Variants in METTL6 observed in about 807,000 individuals in gnomAD.
METTL6 encodes tRNA N(3)-cytidine methyltransferase METTL6.
In METTL6, 22 loss-of-function variants were observed where a neutral mutation model predicts 26.4. The observed-to-expected ratio is 0.83, with a 90% confidence interval of 0.59 to 1.19. The LOEUF (loss-of-function observed/expected upper bound fraction) is 1.19. Among genes scored for constraint, METTL6 ranks in the 50% most tolerant of loss-of-function variants. METTL6 has a pLI of 0.00. For missense variants in METTL6, 304 were observed against 324.8 expected, an observed-to-expected ratio of 0.94 and a Z score of 0.49; for synonymous variants, 109 against 116.2, an observed-to-expected ratio of 0.94 and a Z score of 0.40.
At chr3:15,424,198 A>G (rs928161896) in intron 3 of METTL6, among the ~76,000 whole-genome samples, 2 of 152,174 alleles carry the variant, frequency 1.3e-5, no homozygotes, top group African/African-American at 4.8e-5. Flanking sequence ...AAATAAAACT[A>G]AAAGACACCG....
intron 6 of METTL6, among the ~76,000 whole-genome samples, chr3:15,404,467 C>T (rs1313779660): frequency 6.6e-6 from 1 of 151,768 alleles, no homozygotes. Flanking sequence ...CTCAGCCTCC[C>T]GAGTACCTGG....
intron 6 of METTL6, among the ~76,000 whole-genome samples, chr3:15,404,111 C>T (rs1699724843): frequency 6.6e-6 from 1 of 152,234 alleles, no homozygotes; most frequent in Admixed American, 6.5e-5. Context: ...GCCTTAACCT[C>T]CTGGGAATGC....
intron 5 of METTL6, 99 bp downstream of exon 5, chr3:15,413,922 T>G (rs199885370): frequency 1.3e-6 from 2 of 1,584,798 alleles, no homozygotes; most frequent in Non-Finnish European, 1.7e-6. Context: ...CTCGTGCACA[T>G]GTCGCAAGCC....
chr3:15,416,417 A>AATTTTT (rs1291003731), intron 3 of METTL6, among the ~76,000 whole-genome samples: 4 of 151,948 alleles, frequency 2.6e-5, no homozygotes, highest in African/African-American at 9.7e-5. Flanking sequence ...CATCTGGCTA[A>AATTTTT]ATTTTTATTT....
chr3:15,384,188 C>A lies in METTL6; in HGVS notation c.*12-1G>T. 5.5e-6 allele frequency: 2 copies of A among 363,508 alleles called. No individual in the cohort carries two copies. The highest frequency in any genetic ancestry group is 1.0e-5 in the Non-Finnish European group (2 of 190,646). 22.5% of individuals were successfully genotyped at this position (363,508 alleles called of 1,614,324 possible). ...CAGGTTCCAGACTTTTGTTTGAGAC[C>A]TGAAAAAGAAACAAAAAAGAGATAA... On this transcript the variant is annotated splice_acceptor_variant, in intron 6 of 6. Coordinates refer to the METTL6 transcript ENST00000443029. LOFTEE classifies it low-confidence loss of function (3UTR_SPLICE).
chr3:15,397,931 C>T (rs1468838223), intron 6 of METTL6, among the ~76,000 whole-genome samples: 1 of 152,120 alleles, frequency 6.6e-6, no homozygotes. Flanking sequence ...CCATGCTTTA[C>T]CTGGACCTAC....
Position 15,409,795 on chromosome 3 carries a change from T to C in METTL6, c.*1461A>G, listed in dbSNP as rs943670042. The stretch of plus-strand genomic sequence containing the variant: ...GCACAGACAGAGCAAAAGTGGTATT[T>C]GTGGAACACTGGTTTTGAAGAAATA... On this transcript the variant is annotated 3_prime_UTR_variant, in exon 6 of 6. Transcript: ENST00000383790. Among the ~76,000 whole-genome samples, 4 of 152,234 alleles carry C rather than the reference T, an allele frequency of 2.6e-5. No homozygotes were observed. Among genetic ancestry groups the C allele is most frequent in the Non-Finnish European group, 4.4e-5 (3 of 68,048 alleles).
intron 6 of METTL6, among the ~76,000 whole-genome samples, chr3:15,391,268 A>T (rs966454490): frequency 5.9e-5 from 9 of 152,196 alleles, no homozygotes; most frequent in Non-Finnish European, 1.2e-4. Context: ...TGGGTGGAAA[A>T]ATGGGGCTCC....
rs199931108 is a variant in METTL6 at position 15,401,553 on chromosome 3, A to AG, written c.*11+9691_*11+9692insC. The stretch of plus-strand genomic sequence containing the variant: ...GTTCACGCCAAAAAAAAAAAAAAAA[A>AG]AAAAGAAAGAAAGAAAAAAAAGAAA... On this transcript the variant is annotated intron_variant, in intron 6 of 6. Transcript: ENST00000443029. Among the ~76,000 whole-genome samples, 944 of 150,930 alleles carry AG rather than the reference A, an allele frequency of 6.3e-3. 14 individuals are homozygous for AG. Among genetic ancestry groups the AG allele is most frequent in the African/African-American group, 0.022 (906 of 40,982 alleles).
At chr3:15,416,022 G>T in intron 3 of METTL6, 80 bp from the exon 4 acceptor site, 1 of 1,283,274 alleles carries the variant, frequency 7.8e-7, no homozygotes, top group Non-Finnish European at 1.1e-6. Flanking sequence ...ATCAAAAGGC[G>T]ATCCAATTTC....
intron 6 of METTL6, among the ~76,000 whole-genome samples, chr3:15,393,426 A>G (rs1019857465): frequency 1.3e-5 from 2 of 152,168 alleles, no homozygotes; most frequent in Admixed American, 6.5e-5. Context: ...TAGATATACA[A>G]TCATGTCATC....
Position 15,410,807 on chromosome 3 carries a change from G to A in METTL6, c.*449C>T, listed in dbSNP as rs181060782. Among the ~76,000 whole-genome samples, 39 of 152,188 alleles carry A rather than the reference G, an allele frequency of 2.6e-4. No homozygotes were observed. Among genetic ancestry groups the A allele is most frequent in the Admixed American group, 2.4e-3 (36 of 15,290 alleles). On this transcript the variant is annotated 3_prime_UTR_variant, in exon 6 of 6. Coordinates refer to ENST00000383790, the MANE Select transcript of METTL6 (RefSeq NM_152396.4). Reference sequence around the variant, plus strand: ...CTGCTTGAGCCCAGGGGAGGTCGAGGCTACAATGAGCTGTGATCACACACC... The same window carrying A: ...CTGCTTGAGCCCAGGGGAGGTCGAGACTACAATGAGCTGTGATCACACACC...
downstream of METTL6, among the ~76,000 whole-genome samples, chr3:15,409,683 C>CT (rs1331174862): frequency 6.6e-6 from 1 of 151,968 alleles, no homozygotes; most frequent in Non-Finnish European, 1.5e-5. Context: ...TTCCCTCTCT[C>CT]CCCCCCAGGG....
intron 6 of METTL6, among the ~76,000 whole-genome samples, chr3:15,404,133 T>TC (rs1489830374): frequency 6.6e-6 from 1 of 152,118 alleles, no homozygotes; most frequent in Non-Finnish European, 1.5e-5. Flanking sequence ...GCCCAGCAGG[T>TC]CTCAGCCTCA....
intron 6 of METTL6, among the ~76,000 whole-genome samples, chr3:15,390,529 G>A (rs1302838240): frequency 6.6e-6 from 1 of 152,176 alleles, no homozygotes; most frequent in Non-Finnish European, 1.5e-5. Context: ...ACTTGCAACT[G>A]GGGTGTGGCT....
downstream of METTL6, among the ~76,000 whole-genome samples, chr3:15,408,562 C>CT (rs57787117): frequency 7.7e-3 from 900 of 116,214 alleles, 45 homozygotes; most frequent in Middle Eastern, 0.037. Flanking sequence ...GCTCCTTGCT[C>CT]TTTTTTTTTT....
At chr3:15,395,450 T>C (rs1464553424) in intron 6 of METTL6, among the ~76,000 whole-genome samples, 2 of 152,242 alleles carry the variant, frequency 1.3e-5, no homozygotes, top group Non-Finnish European at 2.9e-5. Context: ...TGACTCTTTA[T>C]CCAATTTGCC....
intron 3 of METTL6, among the ~76,000 whole-genome samples, chr3:15,416,601 T>C (rs116592663): frequency 0.022 from 3,348 of 152,210 alleles, 109 homozygotes; most frequent in African/African-American, 0.075. Flanking sequence ...GCTTAAAGCC[T>C]AAACCCTATG....
Position 15,398,787 on chromosome 3 carries a change from C to G in METTL6, c.*11+12458G>C, listed in dbSNP as rs114425127. Among the ~76,000 whole-genome samples, 829 of 152,230 alleles carry G rather than the reference C, an allele frequency of 5.4e-3. 9 individuals carry two copies. The highest frequency in any genetic ancestry group is 0.019 in the African/African-American group (790 of 41,534). ...ATCATCTGAGCCTGGGAAGTTGAGG[C>G]TGCAGGGAGCCATGATCATGTCAGA... On this transcript the variant is annotated intron_variant, in intron 6 of 6. Transcript: ENST00000443029.
Sources: allele counts gnomAD v4.1 joint callset (sites outside exome capture counted in the v4.1 genomes callset), GRCh38; gene constraint gnomAD v4.1.1; transcripts MANE v1.5; gene names NCBI Gene and HGNC (gene_info 2026-07-23, HGNC 2026-07-21).